The following RPIA variants were observed in gnomAD, a reference collection of about 807,000 sequenced individuals.
RPIA encodes the protein ribose 5-phosphate isomerase A.
Under a neutral mutation model 37.8 loss-of-function variants are expected in RPIA, and 29 were observed. The ratio of observed to expected loss-of-function variants is 0.77; its 90% CI spans 0.57 to 1.05. The LOEUF (loss-of-function observed/expected upper bound fraction) is 1.05. Ranked by LOEUF, RPIA falls within the 50% of genes least tolerant of loss-of-function variation. The pLI, the probability that RPIA is intolerant of heterozygous loss-of-function variation, is 0.00. For missense variants in RPIA, 385 were observed against 413.6 expected (o/e 0.93, Z 0.60); for synonymous variants, 167 against 157.0 (o/e 1.06, Z -0.48).
intron 3 of RPIA, among the ~76,000 whole-genome samples, chr2:88,702,109 A>G (rs529125429): frequency 6.6e-6 from 1 of 152,332 alleles, no homozygotes; most frequent in African/African-American, 2.4e-5. Context: ...TATAATGTCT[A>G]ATTGCTTGTC....
intron 8 of RPIA, among the ~76,000 whole-genome samples, chr2:88,748,672 GA>G (rs1356811097): frequency 6.6e-6 from 1 of 152,002 alleles, no homozygotes; most frequent in African/African-American, 2.4e-5. Flanking sequence ...GTATGTGTGT[GA>G]AAAAAAGTTT....
intron 3 of RPIA, among the ~76,000 whole-genome samples, chr2:88,711,122 A>G (rs1672955946): frequency 6.6e-6 from 1 of 152,202 alleles, no homozygotes. Flanking sequence ...AAAATACCTG[A>G]GGTCCGGGCT....
At chr2:88,737,772 C>G (rs1673331861) in intron 7 of RPIA, among the ~76,000 whole-genome samples, 1 of 149,762 alleles carries the variant, frequency 6.7e-6, no homozygotes, top group African/African-American at 2.5e-5. Context: ...TCCTCTCTCT[C>G]TCTCTCAAAA....
At chr2:88,738,861 A>G (rs112450952) in intron 8 of RPIA, among the ~76,000 whole-genome samples, 1 of 152,318 alleles carries the variant, frequency 6.6e-6, no homozygotes, top group Non-Finnish European at 1.5e-5. Context: ...GCCCAAAGAC[A>G]GCACCAAGAT....
intron 3 of RPIA, among the ~76,000 whole-genome samples, chr2:88,702,343 T>C (rs1192422194): frequency 6.6e-6 from 1 of 150,742 alleles, no homozygotes; most frequent in Non-Finnish European, 1.5e-5. Flanking sequence ...TTTCCTATTG[T>C]GTTAGTCCAT....
chr2:88,708,664 T>C (rs1672925095), intron 3 of RPIA, among the ~76,000 whole-genome samples: 1 of 152,204 alleles, frequency 6.6e-6, no homozygotes, highest in South Asian at 2.1e-4. Context: ...TAATTGATGT[T>C]ATCCAAGAGA....
At chr2:88,734,731 T>C in intron 5 of RPIA, 115 bp downstream of exon 5, 1 of 1,106,646 alleles carries the variant, frequency 9.0e-7, no homozygotes, top group East Asian at 2.4e-5. Flanking sequence ...TTTGTCTTTC[T>C]CCTAGGATAT....
chr2:88,710,196 G>A (rs956390289), intron 3 of RPIA, among the ~76,000 whole-genome samples: 4 of 152,124 alleles, frequency 2.6e-5, no homozygotes, highest in Non-Finnish European at 5.9e-5. Context: ...ACAGGTGCAT[G>A]CCACCATGCC....
intron 3 of RPIA, among the ~76,000 whole-genome samples, chr2:88,704,930 C>G (rs926164434): frequency 6.6e-6 from 1 of 152,078 alleles, no homozygotes; most frequent in Admixed American, 6.5e-5. Context: ...CAACAATAGA[C>G]AAGCAGAGAG....
Position 88,750,697 on chromosome 2 carries a change from A to T in RPIA, c.*619A>T. The T allele has an allele frequency of 2.5e-6, 1 of 399,410 alleles. No individual in the cohort carries two copies. Among genetic ancestry groups the T allele is most frequent in the Admixed American group, 4.4e-5 (1 of 22,798 alleles). 24.7% of individuals were successfully genotyped at this position (399,410 alleles called of 1,614,324 possible). A position where few individuals can be genotyped will look rare whatever the true frequency, so the allele number is the denominator to read the frequency against. The stretch of plus-strand genomic sequence containing the variant: ...AAAATGTTGTTACACTTTTGCTAAG[A>T]TCTGGGGGTTTCTTCATATTCCTGC... On this transcript the variant is annotated 3_prime_UTR_variant, in exon 9 of 9. Transcript: ENST00000283646.
chr2:88,749,610 C>T (rs952690443), intron 8 of RPIA, among the ~76,000 whole-genome samples: 5 of 152,088 alleles, frequency 3.3e-5, no homozygotes, highest in Admixed American at 6.5e-5. Flanking sequence ...CTGGAGTAGT[C>T]ATGGAGGGTC....
chr2:88,746,184 C>CT (rs1202450988), intron 8 of RPIA, among the ~76,000 whole-genome samples: 1 of 150,914 alleles, frequency 6.6e-6, no homozygotes, highest in Non-Finnish European at 1.5e-5. Context: ...TTTAAATTTT[C>CT]TTTAAGTTGG....
intron 3 of RPIA, among the ~76,000 whole-genome samples, chr2:88,703,523 C>G (rs1672860378): frequency 6.6e-5 from 10 of 152,122 alleles, no homozygotes; most frequent in Admixed American, 6.5e-4. Context: ...AAGCTACAGC[C>G]CGAGCTCTAC....
chr2:88,701,648 C>G (rs1240949145), intron 3 of RPIA, among the ~76,000 whole-genome samples: 1 of 382 alleles, frequency 2.6e-3, no homozygotes, highest in Non-Finnish European at 4.6e-3. Flanking sequence ...AGATTTAAGT[C>G]AAAGTTAATT....
Position 88,716,235 on chromosome 2 carries a change from GA to G in RPIA, c.403-13041del, listed in dbSNP as rs539849365. 2.6e-4 allele frequency among the ~76,000 whole-genome samples: 40 copies of G among 152,146 alleles called. 1 individual carries two copies. The South Asian group carries it at 8.3e-3, about 32-fold the overall frequency. On this transcript the variant is annotated intron_variant, in intron 3 of 8. Transcript: ENST00000283646. ...TTGTCTATTATCTACTTATGACCCG[GA>G]AGACCCCTTCCCCGCCTCAAGTTGT... is the stretch of plus-strand genomic sequence containing the variant.
In RPIA at chr2:88,699,757, C is replaced by T. The variant is rs146214221; in HGVS notation, c.347-252C>T. Among the ~76,000 whole-genome samples the T allele has an allele frequency of 5.9e-5, 9 of 152,286 alleles. No individual in the cohort carries two copies. In the East Asian group the frequency reaches 1.7e-3, roughly 29 times the overall value. On this transcript the variant is annotated intron_variant, in intron 2 of 8. Transcript: ENST00000283646. ...AAAGTTCTTAGAATATTGTCAGGCA[C>T]ATAACAATGGCAAACACTGACACTG...
intron 3 of RPIA, among the ~76,000 whole-genome samples, chr2:88,705,360 C>T (rs1034120251): frequency 3.3e-5 from 5 of 152,064 alleles, no homozygotes; most frequent in African/African-American, 1.2e-4. Flanking sequence ...ACTGGTACAG[C>T]AGACACACAG....
chr2:88,711,396 C>G (rs925926351), intron 3 of RPIA, among the ~76,000 whole-genome samples: 3 of 152,172 alleles, frequency 2.0e-5, no homozygotes, highest in Non-Finnish European at 4.4e-5. Flanking sequence ...GTTGGGACTT[C>G]CAGGTCATAG....
intron 3 of RPIA, among the ~76,000 whole-genome samples, chr2:88,726,647 A>G (rs557130161): frequency 5.9e-5 from 9 of 152,352 alleles, no homozygotes; most frequent in African/African-American, 2.2e-4. Flanking sequence ...GAGAAGAAGT[A>G]GAGATAATGT....
Sources: allele counts gnomAD v4.1 joint callset (sites outside exome capture counted in the v4.1 genomes callset), GRCh38; gene constraint gnomAD v4.1.1; transcripts MANE v1.5; gene names NCBI Gene and HGNC (gene_info 2026-07-23, HGNC 2026-07-21).